Variants in VIPR2 observed in about 807,000 individuals in gnomAD.
VIPR2 encodes the protein vasoactive intestinal peptide receptor 2.
VIPR2 carries 48 observed loss-of-function variants against 58.0 expected under a neutral mutation model. That is an observed-to-expected ratio of 0.83 (90% CI 0.66 to 1.05). The LOEUF is 1.05. Ranked by LOEUF, VIPR2 falls within the 50% of genes least tolerant of loss-of-function variation. The pLI, the probability that VIPR2 is intolerant of heterozygous loss-of-function variation, is 0.00. For synonymous variants in VIPR2, 243 were observed against 235.2 expected (o/e 1.03, Z -0.30); for missense variants, 534 against 558.0 (o/e 0.96, Z 0.43).
rs1853375862 is a variant in VIPR2 at position 159,028,815 on chromosome 7, C to T, written c.*1801G>A. 1 of 152,358 alleles carries T rather than the reference C, an allele frequency of 6.6e-6. No homozygotes were observed. Among genetic ancestry groups the T allele is most frequent in the Non-Finnish European group, 1.5e-5 (1 of 68,142 alleles). 9.4% of individuals were successfully genotyped at this position (152,358 alleles called of 1,614,324 possible). ...TCCCCAGTATCCGTCTGTGATGGATCCTCTGCGGCCCCCAGAAATGGTGGG... is the reference window on the plus strand; with the variant it reads ...TCCCCAGTATCCGTCTGTGATGGATTCTCTGCGGCCCCCAGAAATGGTGGG... On this transcript the variant is annotated 3_prime_UTR_variant, in exon 13 of 13. Transcript: ENST00000262178.
rs2098349 is a variant in VIPR2 at position 159,058,543 on chromosome 7, T to G, written c.393A>C (p.Thr131=). 0.91 allele frequency: 1,466,525 copies of G among 1,612,924 alleles called. 671,454 individuals are homozygous for G. Among genetic ancestry groups the G allele is most frequent in the East Asian group, 1 (44,858 of 44,870 alleles). The change falls in exon 5 of 13, where the codon ACA becomes ACC. Residue 131 remains threonine, a synonymous_variant. Coordinates refer to ENST00000262178, the MANE Select transcript of VIPR2 (RefSeq NM_003382.5). ...TFYILVKAIY[T]LGYSVSLMSL... ...ACATCAGAGAGACACTGTAGCCCAG[T>G]GTATAAATGGCCTTCACCAGAATAT...
rs559735753 is a variant in VIPR2, at chr7:159,038,028, A to G, written c.598-1126T>C. ...ATAACAGATGGCTATCCCTATAAAT[A>G]TATACGGGTGAATATACTTTTTTAT... On this transcript the variant is annotated intron_variant, in intron 6 of 12. Coordinates refer to ENST00000262178, the MANE Select transcript of VIPR2 (RefSeq NM_003382.5). 2.0e-5 allele frequency among the ~76,000 whole-genome samples: 3 copies of G among 152,346 alleles called. No individual in the cohort carries two copies. The South Asian group carries it at 6.2e-4, about 32-fold the overall frequency.
chr7:159,085,764 C>T (rs562661655), intron 4 of VIPR2, among the ~76,000 whole-genome samples: 3 of 152,092 alleles, frequency 2.0e-5, no homozygotes, highest in African/African-American at 7.2e-5. Flanking sequence ...TGAAAAGGCC[C>T]ACATGCTGCA....
intron 4 of VIPR2, among the ~76,000 whole-genome samples, chr7:159,085,831 G>A (rs1857139279): frequency 6.6e-6 from 1 of 152,148 alleles, no homozygotes; most frequent in Admixed American, 6.5e-5. Context: ...GGCAAAGATC[G>A]GCAGTTGCCA....
chr7:159,076,554 C>T (rs899344312), intron 4 of VIPR2, among the ~76,000 whole-genome samples: 3 of 152,220 alleles, frequency 2.0e-5, no homozygotes, highest in African/African-American at 7.2e-5. Context: ...GTACCAGACA[C>T]ATGACTGAAA....
chr7:159,069,229 T>G (rs1220113413), intron 4 of VIPR2, among the ~76,000 whole-genome samples: 1 of 152,206 alleles, frequency 6.6e-6, no homozygotes, highest in African/African-American at 2.4e-5. Flanking sequence ...TCACTTTTTC[T>G]TCCTGTCAGT....
chr7:159,129,723 C>A (rs112422205), intron 2 of VIPR2, among the ~76,000 whole-genome samples: 2 of 139,172 alleles, frequency 1.4e-5, no homozygotes, highest in African/African-American at 5.5e-5. Flanking sequence ...CTCAAACTGG[C>A]CTCTGGCGGG....
intron 1 of VIPR2, among the ~76,000 whole-genome samples, chr7:159,143,528 G>A (rs769555406): frequency 6.6e-6 from 1 of 152,162 alleles, no homozygotes; most frequent in Non-Finnish European, 1.5e-5. Flanking sequence ...CAGAATTAAG[G>A]GGAAAACAAT....
At chr7:159,073,509 C>A (rs1267106860) in intron 4 of VIPR2, among the ~76,000 whole-genome samples, 2 of 152,114 alleles carry the variant, frequency 1.3e-5, no homozygotes, top group African/African-American at 2.4e-5. Context: ...CCTCTGCCTC[C>A]CGGGTTCAAG....
At chr7:159,110,861 G>T (rs931865337) in intron 2 of VIPR2, among the ~76,000 whole-genome samples, 1 of 152,174 alleles carries the variant, frequency 6.6e-6, no homozygotes, top group Non-Finnish European at 1.5e-5. Context: ...TCTCTGAAAA[G>T]CTGGCCATAA....
At chr7:159,034,067 G>A in intron 10 of VIPR2, 146 bp downstream of exon 10, 4 of 710,630 alleles carry the variant, frequency 5.6e-6, no homozygotes, top group South Asian at 1.9e-5. Flanking sequence ...CCTTGGGCAG[G>A]AGCAGAGCCC....
At position 159,127,933 on chromosome 7, in the gene VIPR2, A is replaced by G. The variant is rs1434951356; in HGVS notation, c.151+14513T>C. Among the ~76,000 whole-genome samples the G allele has an allele frequency of 6.6e-6, 1 of 152,188 alleles. No individual in the cohort carries two copies. Among genetic ancestry groups the G allele is most frequent in the Non-Finnish European group, 1.5e-5 (1 of 68,028 alleles). On this transcript the variant is annotated intron_variant, in intron 2 of 12. Coordinates refer to ENST00000262178, the MANE Select transcript of VIPR2 (RefSeq NM_003382.5). The surrounding 1 kb of genome is among the most constrained non-coding windows in gnomAD (Gnocchi z 4.6). ...AAGGCACGGGGAGTCCTGCCGTGCTATTCCAAGGACAATCTTCCATAGATT... is the reference window on the plus strand; with the variant it reads ...AAGGCACGGGGAGTCCTGCCGTGCTGTTCCAAGGACAATCTTCCATAGATT...
In VIPR2 at chr7:159,029,743, C is replaced by G. The variant is rs1177594824; in HGVS notation, c.*873G>C. ...AGAGGTCCCCTCCTTCATGACCTTG[C>G]TCTCCTGATCTGGTTGTCTCCTCAG... On this transcript the variant is annotated 3_prime_UTR_variant, in exon 13 of 13. Coordinates refer to ENST00000262178, the MANE Select transcript of VIPR2 (RefSeq NM_003382.5). 1.3e-5 allele frequency: 2 copies of G among 152,280 alleles called. No individual in the cohort carries two copies. The highest frequency in any genetic ancestry group is 4.8e-5 in the African/African-American group (2 of 41,454). The allele number at this position is 152,280 out of a possible 1,614,324, so 9.4% of individuals were successfully genotyped here.
chr7:159,109,809 T>A lies in VIPR2; in HGVS notation c.259+3A>T. 6.2e-7 allele frequency: 1 copy of A among 1,614,100 alleles called. No homozygotes were observed. Among genetic ancestry groups the A allele is most frequent in the South Asian group, 1.1e-5 (1 of 91,076 alleles). On this transcript the variant is annotated splice_donor_region_variant and intron_variant, in intron 3 of 12. Coordinates refer to ENST00000262178, the MANE Select transcript of VIPR2 (RefSeq NM_003382.5). ...GCTCAGGAACTCAACCGACGGACAG[T>A]ACCTGCTTTGCTGTAAAAATTGCTG...
chr7:159,136,189 C>A (rs435969), intron 2 of VIPR2, among the ~76,000 whole-genome samples: 32,938 of 151,652 alleles, frequency 0.22, 3,804 homozygotes, highest in South Asian at 0.35. Context: ...TTCTTGCTGG[C>A]GGGGACTTTT....
chr7:159,033,828 C>T (rs576556856), intron 10 of VIPR2, among the ~76,000 whole-genome samples: 2 of 152,224 alleles, frequency 1.3e-5, no homozygotes, highest in African/African-American at 4.8e-5. Context: ...TGTAAGTGGG[C>T]GGATGCTTAA....
At chr7:159,062,758 A>G (rs1033601812) in intron 4 of VIPR2, among the ~76,000 whole-genome samples, 3 of 152,212 alleles carry the variant, frequency 2.0e-5, no homozygotes, top group African/African-American at 7.2e-5. Context: ...TTGTCTCTAC[A>G]GGCTCCGGCC....
At chr7:159,137,784 A>C (rs995758284) in intron 2 of VIPR2, among the ~76,000 whole-genome samples, 2 of 152,126 alleles carry the variant, frequency 1.3e-5, no homozygotes, top group Non-Finnish European at 1.5e-5. Context: ...ATCTAGTCAA[A>C]AAGATCCAAA....
At chr7:159,140,565 T>C (rs1053365761) in intron 2 of VIPR2, among the ~76,000 whole-genome samples, 2 of 152,246 alleles carry the variant, frequency 1.3e-5, no homozygotes, top group Admixed American at 6.5e-5. Context: ...CAGATACAGA[T>C]ATTTTTCCTA....
Sources: gnomAD v4.1 joint callset for allele counts (sites outside exome capture counted in the v4.1 genomes callset) on GRCh38, gnomAD v4.1.1 for gene constraint, Gnocchi (gnomAD v3.1) non-coding constraint, MANE v1.5 for transcripts, NCBI Gene and HGNC (gene_info 2026-07-23, HGNC 2026-07-21) for gene names.